HELT: variants seen among roughly 807,000 people sequenced by gnomAD.
HELT encodes the protein hairy and enhancer of split-related protein HELT.
HELT carries 9 observed loss-of-function variants against 19.5 expected under a neutral mutation model. The observed-to-expected ratio is 0.46, with a 90% CI of 0.28 to 0.80. The LOEUF (loss-of-function observed/expected upper bound fraction) is 0.80. HELT is among the 30% of genes least tolerant of loss of function. The pLI is 0.12. For missense variants in HELT, 366 were observed against 326.3 expected (o/e 1.12, Z -0.94); for synonymous variants, 162 against 148.3 (o/e 1.09, Z -0.67).
intron 1 of HELT, 42 bp downstream of exon 1, chr4:185,018,997 G>A (rs375650756): frequency 1.9e-6 from 3 of 1,613,922 alleles, no homozygotes; most frequent in Admixed American, 1.7e-5. Context: ...CCCTGGTGGT[G>A]GAGGCATCTG....
In HELT at chr4:185,019,784, T is replaced by A; in HGVS notation, c.170T>A (p.Met57Lys). 6.2e-7 allele frequency: 1 copy of A among 1,613,810 alleles called. No homozygotes were observed. The highest frequency in any genetic ancestry group is 1.3e-5 in the African/African-American group (1 of 75,068). ...CTGGAGAAGGCGGAGATCCTCGAGATGACCGTTCAGTACCTGAGAGCACTG... is the reference window on the plus strand; with the variant it reads ...CTGGAGAAGGCGGAGATCCTCGAGAAGACCGTTCAGTACCTGAGAGCACTG... ...GKLEKAEILE[M>K]TVQYLRALHS... is the part of the protein sequence containing the mutation. Residue 57 changes from methionine (M) to lysine (K), a missense_variant, in exon 3 of 4, where the codon ATG becomes AAG. Coordinates refer to ENST00000515777, the MANE Select transcript of HELT (RefSeq NM_001300781.2).
chr4:185,019,565 C>T (rs1484130709), intron 2 of HELT, 74 bp downstream of exon 2: 72 of 1,549,530 alleles, frequency 4.6e-5, no homozygotes, highest in Non-Finnish European at 6.1e-5. Context: ...GACGCCCGAG[C>T]CCGCGGACAC....
chr4:185,020,881 G>C lies in HELT; in HGVS notation c.*109G>C. The stretch of plus-strand genomic sequence containing the variant: ...ATTGTACCCCAAAAATCTGGGCTGG[G>C]GGAGGCAAAGAGCGAATGAGTCTTC... On this transcript the variant is annotated 3_prime_UTR_variant, in exon 4 of 4. Coordinates refer to ENST00000515777, the MANE Select transcript of HELT (RefSeq NM_001300781.2). 7.6e-7 allele frequency: 1 copy of C among 1,318,728 alleles called. No homozygotes were observed. Among genetic ancestry groups the C allele is most frequent in the Non-Finnish European group, 9.9e-7 (1 of 1,013,784 alleles). The allele number at this position is 1,318,728 out of a possible 1,614,324, so 81.7% of individuals were successfully genotyped here.
Position 185,019,430 on chromosome 4 carries a change from A to ATAGAAAAG in HELT, c.71_72insTAGAAAAG (p.Ile26LysfsTer8), listed in dbSNP as rs1226828164. The ATAGAAAAG allele has an allele frequency of 6.2e-7, 1 of 1,613,400 alleles. No individual in the cohort carries two copies. The highest frequency in any genetic ancestry group is 8.5e-7 in the Non-Finnish European group (1 of 1,179,646). On this transcript the variant is annotated frameshift_variant, in exon 2 of 4. Coordinates refer to ENST00000515777, the MANE Select transcript of HELT (RefSeq NM_001300781.2). LOFTEE classifies it high-confidence loss of function. ...AAAGTGATAGAAAAGCGGAGGAGGG[A>ATAGAAAAG]CAGGATCAACCGCTGCTTGAACGAG...
chr4:185,020,123 G>A, intron 3 of HELT, 150 bp from the exon 4 acceptor site: 1 of 1,184,106 alleles, frequency 8.4e-7, no homozygotes, highest in Non-Finnish European at 1.2e-6. Context: ...TGCCTCGCCA[G>A]TCTCTAAGAC....
Position 185,018,853 on chromosome 4 carries a change from C to G in HELT, c.-76C>G. 2.0e-6 allele frequency: 3 copies of G among 1,491,820 alleles called. No homozygotes were observed. The highest frequency in any genetic ancestry group is 1.3e-5 in the South Asian group (1 of 78,078). 92.4% of individuals were successfully genotyped at this position (1,491,820 alleles called of 1,614,324 possible). ...GAGGCTGCAGTCTACCTGGGACACT[C>G]GAGGAGGCACACGAGGCGGAAAAGT... On this transcript the variant is annotated 5_prime_UTR_variant, in exon 1 of 4. Coordinates refer to ENST00000515777, the MANE Select transcript of HELT (RefSeq NM_001300781.2).
Position 185,020,743 on chromosome 4 carries a change from C to T in HELT, c.700C>T (p.His234Tyr). ...CGCGCACCCCAACGCCCTTAACCTGCACACGCCCCAGCACCCCCCGGTGCT... is the reference window on the plus strand; with the variant it reads ...CGCGCACCCCAACGCCCTTAACCTGTACACGCCCCAGCACCCCCCGGTGCT... ...GHAHPNALNL[H>Y]TPQHPPVL Residue 234 changes from histidine (H) to tyrosine (Y), a missense_variant, in exon 4 of 4, where the codon CAC becomes TAC. By Grantham distance (83) the His-to-Tyr change is moderately conservative. Coordinates refer to ENST00000515777, the MANE Select transcript of HELT (RefSeq NM_001300781.2). 1.9e-6 allele frequency: 3 copies of T among 1,566,366 alleles called. No homozygotes were observed. The highest frequency in any genetic ancestry group is 2.6e-6 in the Non-Finnish European group (3 of 1,163,280).
intron 2 of HELT, 107 bp downstream of exon 2, chr4:185,019,598 C>T (rs1733995717): frequency 1.9e-6 from 3 of 1,569,456 alleles, no homozygotes; most frequent in Non-Finnish European, 8.6e-7. Flanking sequence ...TTGCGGGCCC[C>T]TCCCAGGCGG....
chr4:185,019,020 G>C (rs144613350), intron 1 of HELT, 65 bp downstream of exon 1: 1 of 1,613,870 alleles, frequency 6.2e-7, no homozygotes, highest in Non-Finnish European at 8.5e-7. Context: ...TCACCGACCC[G>C]CCACTTGGGT....
Position 185,018,943 on chromosome 4 carries a change from C to T in HELT, c.15C>T (p.Leu5=), listed in dbSNP as rs1473911235. Residue 5 remains leucine, a synonymous_variant, in exon 1 of 4, where the codon CTC becomes CTT. Transcript: ENST00000515777. The part of the protein sequence containing the change: MSDK[L]KERKRTPVSH... ...TACTGACCAGGATGTCAGACAAGCT[C>T]AAGGAACGCAAAGTGAGTCGGCTGA... 2.5e-6 allele frequency: 4 copies of T among 1,610,012 alleles called. No individual in the cohort carries two copies. The African/African-American group carries it at 5.3e-5, about 22-fold the overall frequency.
In HELT at chr4:185,019,751, C is replaced by G; in HGVS notation, c.137C>G (p.Ser46Cys). The change falls in exon 3 of 4, where the codon TCC becomes TGC. Residue 46 changes from serine to cysteine, a missense_variant. Ser to Cys is a moderately radical substitution (Grantham distance 112). Coordinates refer to ENST00000515777, the MANE Select transcript of HELT (RefSeq NM_001300781.2). Reference protein sequence around the residue: ...TVPMALAKQSSGKLEKAEILE... With the variant: ...TVPMALAKQSCGKLEKAEILE... ...GGGCCCTTCCTCCTTTTGCAGAGTT[C>G]CGGGAAGCTGGAGAAGGCGGAGATC... 6.2e-7 allele frequency: 1 copy of G among 1,613,438 alleles called. No individual in the cohort carries two copies. The highest frequency in any genetic ancestry group is 2.2e-5 in the East Asian group (1 of 44,880).
chr4:185,019,484 C>A lies in HELT; in HGVS notation c.125C>A (p.Ala42Glu). Residue 42 changes from alanine to glutamate, a missense_variant, in exon 2 of 4, where the codon GCG (alanine) becomes GAG (glutamate). Coordinates refer to ENST00000515777, the MANE Select transcript of HELT (RefSeq NM_001300781.2). ...GGCAAGACAGTGCCCATGGCCTTGG[C>A]GAAGCAGGTAACGTTGGCGACCCGG... ...ELGKTVPMAL[A>E]KQSSGKLEKA... The A allele has an allele frequency of 6.2e-7, 1 of 1,608,502 alleles. No homozygotes were observed. The highest frequency in any genetic ancestry group is 1.1e-5 in the South Asian group (1 of 90,190).
In HELT at chr4:185,019,591, C is replaced by A. The variant is rs375216601; in HGVS notation, c.132+100C>A. ...CCGCGGACACAGAGGACCTCACTTG[C>A]GGGCCCCTCCCAGGCGGGGGGCCTG... On this transcript the variant is annotated intron_variant, in intron 2 of 3. Transcript: ENST00000515777. 45 of 1,559,372 alleles carry A rather than the reference C, an allele frequency of 2.9e-5. 1 individual carries two copies. The East Asian group carries it at 4.5e-4, about 16-fold the overall frequency.
rs759268394 is a variant in HELT, at chr4:185,020,421, C to A, written c.378C>A (p.Ala126=). The A allele has an allele frequency of 1.2e-6, 2 of 1,614,138 alleles. No individual in the cohort carries two copies. The highest frequency in any genetic ancestry group is 2.2e-5 in the South Asian group (2 of 91,090). ...TCCTCGCCTTCTTGCAGTCCAAGGC[C>A]CGCCTGGGCGCGGAGCCCGCCTTTC... ...ARILAFLQSK[A]RLGAEPAFPP... The change falls in exon 4 of 4, where the codon GCC becomes GCA. Residue 126 remains alanine (A), a synonymous_variant. Coordinates refer to ENST00000515777, the MANE Select transcript of HELT (RefSeq NM_001300781.2).
chr4:185,019,056 A>G, intron 1 of HELT, 101 bp downstream of exon 1: 1 of 1,613,660 alleles, frequency 6.2e-7, no homozygotes. Flanking sequence ...AAGTGCCCGC[A>G]CGGGACTTTG....
Position 185,019,623 on chromosome 4 carries a change from G to C in HELT, c.133-124G>C, listed in dbSNP as rs772901243. On this transcript the variant is annotated intron_variant, in intron 2 of 3. Transcript: ENST00000515777. ...CTCCCAGGCGGGGGGCCTGAGCGCA[G>C]GGCGAACCTCAGGAGGCTCTGGCGC... 1.9e-6 allele frequency: 3 copies of C among 1,597,772 alleles called. No individual in the cohort carries two copies. The East Asian group carries it at 6.8e-5, about 36-fold the overall frequency.
Position 185,020,392 on chromosome 4 carries a change from C to T in HELT, c.349C>T (p.Arg117Cys). Reference protein sequence around the residue: ...RMETKDTKYARILAFLQSKAR... With the variant: ...RMETKDTKYACILAFLQSKAR... ...GGAGACCAAGGACACGAAGTACGCG[C>T]GCATCCTCGCCTTCTTGCAGTCCAA... Residue 117 changes from arginine (R) to cysteine (C), a missense_variant, in exon 4 of 4, where the codon CGC (arginine) becomes TGC (cysteine). Arg to Cys is a radical substitution (Grantham distance 180, BLOSUM62 -3). Transcript: ENST00000515777. The T allele has an allele frequency of 6.2e-7, 1 of 1,614,216 alleles. No individual in the cohort carries two copies. Among genetic ancestry groups the T allele is most frequent in the Non-Finnish European group, 8.5e-7 (1 of 1,180,036 alleles).
At position 185,020,596 on chromosome 4, in the gene HELT, A is replaced by G. The variant is rs1460722407; in HGVS notation, c.553A>G (p.Ser185Gly). The change falls in exon 4 of 4, where the codon AGC becomes GGC. Residue 185 changes from serine to glycine, a missense_variant. Physicochemically the swap from Ser to Gly is moderately conservative, Grantham distance 56. Coordinates refer to ENST00000515777, the MANE Select transcript of HELT (RefSeq NM_001300781.2). ...PFPWPPGAAR[S>G]PALPYLPSAP... ...CCCCTGGCCGCCTGGCGCGGCCCGC[A>G]GCCCCGCGCTGCCCTACCTGCCCAG... The G allele has an allele frequency of 1.3e-6, 2 of 1,595,408 alleles. No individual in the cohort carries two copies. Among genetic ancestry groups the G allele is most frequent in the East Asian group, 4.5e-5 (2 of 44,606 alleles).
chr4:185,019,279 T>G, intron 1 of HELT, 108 bp from the exon 2 acceptor site: 3 of 1,142,600 alleles, frequency 2.6e-6, no homozygotes, highest in Non-Finnish European at 3.8e-6. Flanking sequence ...AGAGCGAATC[T>G]GAGCAGTGTG....
Sources: allele counts gnomAD v4.1 joint callset, GRCh38; gene constraint gnomAD v4.1.1; transcripts MANE v1.5; gene names NCBI Gene and HGNC (gene_info 2026-07-23, HGNC 2026-07-21).